CADM2: variants seen among roughly 807,000 people sequenced by gnomAD.
CADM2 encodes immunoglobulin superfamily member 4D.
In CADM2, 12 loss-of-function variants were observed where a neutral mutation model predicts 49.8. The observed-to-expected ratio is 0.24, with a 90% CI of 0.15 to 0.39. The LOEUF is 0.39. Ranked by LOEUF, CADM2 falls within the 10% of genes least tolerant of loss-of-function variation. The pLI is 1.00. For missense variants in CADM2, 378 were observed against 492.3 expected, an observed-to-expected ratio of 0.77 and a Z score of 2.20; for synonymous variants, 214 against 175.4, an observed-to-expected ratio of 1.22 and a Z score of -1.74.
chr3:86,015,347 G>A (rs1488280993), intron 8 of CADM2, among the ~76,000 whole-genome samples: 5 of 152,236 alleles, frequency 3.3e-5, no homozygotes, highest in Middle Eastern at 3.4e-3. Flanking sequence ...TTCCTTCTGC[G>A]TGTACTCTGC....
intron 1 of CADM2, among the ~76,000 whole-genome samples, chr3:85,495,158 C>G (rs1324965481): frequency 1.3e-5 from 2 of 152,054 alleles, no homozygotes; most frequent in Non-Finnish European, 2.9e-5. Context: ...CAACAAATAG[C>G]CTGCAAGTAG....
chr3:85,879,353 T>A (rs538308645), intron 3 of CADM2, among the ~76,000 whole-genome samples: 113 of 152,224 alleles, frequency 7.4e-4, no homozygotes, highest in African/African-American at 2.5e-3. Context: ...CAAGTGTATA[T>A]CTTCCTAAGC....
chr3:86,014,066 C>T (rs1731891329), intron 8 of CADM2: 3 of 1,305,898 alleles, frequency 2.3e-6, no homozygotes, highest in South Asian at 3.1e-5. Flanking sequence ...TTCTTTTTCA[C>T]AACGGTTAAG....
At chr3:85,028,031 G>A (rs1164511182) in intron 1 of CADM2, among the ~76,000 whole-genome samples, 1 of 151,928 alleles carries the variant, frequency 6.6e-6, no homozygotes, top group Admixed American at 6.6e-5. Flanking sequence ...ACTTTGTAAA[G>A]GGGCAGAGAT....
At chr3:85,148,125 G>A (rs1162069157) in intron 1 of CADM2, among the ~76,000 whole-genome samples, 1 of 152,146 alleles carries the variant, frequency 6.6e-6, no homozygotes, top group East Asian at 1.9e-4. Context: ...ATATCACAGC[G>A]TGTAAACAGA....
Position 85,982,695 on chromosome 3 carries a change from G to T in CADM2, c.970+21048G>T, listed in dbSNP as rs541251599. 1.5e-4 allele frequency among the ~76,000 whole-genome samples: 23 copies of T among 151,488 alleles called. No individual in the cohort carries two copies. The South Asian group carries it at 4.8e-3, about 31-fold the overall frequency. On this transcript the variant is annotated intron_variant, in intron 8 of 9. Coordinates refer to ENST00000383699, the MANE Select transcript of CADM2 (RefSeq NM_001167675.2). ...GTATTCTTTCAAATTATGTGACGTTGTTTCTTTGTGAATTGCCTTTTAAAT... is the reference window on the plus strand; with the variant it reads ...GTATTCTTTCAAATTATGTGACGTTTTTTCTTTGTGAATTGCCTTTTAAAT...
intron 1 of CADM2, among the ~76,000 whole-genome samples, chr3:85,494,101 G>A (rs2039787472): frequency 6.6e-6 from 1 of 151,950 alleles, no homozygotes; most frequent in African/African-American, 2.4e-5. Flanking sequence ...TTTTCGGATA[G>A]GGGAAAATTC....
chr3:85,615,736 A>G (rs190043690), intron 1 of CADM2, among the ~76,000 whole-genome samples: 6 of 151,838 alleles, frequency 4.0e-5, no homozygotes, highest in East Asian at 2.0e-4. Flanking sequence ...TGCATTACCA[A>G]TTCACATGAT....
At chr3:85,937,431 C>T (rs966171213) in intron 7 of CADM2, among the ~76,000 whole-genome samples, 6 of 151,926 alleles carry the variant, frequency 3.9e-5, no homozygotes, top group South Asian at 4.1e-4. Context: ...CCCTATTTTA[C>T]GGAAGAGAAA....
chr3:85,969,881 A>G (rs1725900847), intron 8 of CADM2, among the ~76,000 whole-genome samples: 1 of 150,848 alleles, frequency 6.6e-6, no homozygotes, highest in Admixed American at 6.7e-5. Flanking sequence ...ATACATACAC[A>G]TATACACATA....
intron 2 of CADM2, among the ~76,000 whole-genome samples, chr3:85,766,262 G>A (rs1017189790): frequency 2.0e-5 from 3 of 152,032 alleles, no homozygotes; most frequent in African/African-American, 4.8e-5. Context: ...TAGAGTATAT[G>A]TGCTCTAGGT....
At chr3:85,846,647 G>A (rs898846694) in intron 3 of CADM2, among the ~76,000 whole-genome samples, 5 of 152,086 alleles carry the variant, frequency 3.3e-5, no homozygotes, top group African/African-American at 7.2e-5. Context: ...CAGGACAATC[G>A]CATGTAGCCA....
intron 7 of CADM2, among the ~76,000 whole-genome samples, chr3:85,959,422 G>T (rs1724539803): frequency 6.6e-6 from 1 of 151,834 alleles, no homozygotes. Context: ...CAGCTCCCTG[G>T]AGGTTGAAAG....
intron 2 of CADM2, among the ~76,000 whole-genome samples, chr3:85,794,958 AT>A (rs1389140601): frequency 7.2e-5 from 11 of 152,106 alleles, no homozygotes; most frequent in Non-Finnish European, 1.6e-4. Context: ...ATTTTAAAAA[AT>A]ATATTTTAAT....
intron 2 of CADM2, among the ~76,000 whole-genome samples, chr3:85,747,374 GACAA>G (rs1300525988): frequency 2.0e-5 from 3 of 151,994 alleles, no homozygotes; most frequent in Non-Finnish European, 2.9e-5. Flanking sequence ...CATATTATGT[GACAA>G]ACAATTTTCT....
At chr3:85,346,405 C>A (rs1364783907) in intron 1 of CADM2, among the ~76,000 whole-genome samples, 1 of 151,990 alleles carries the variant, frequency 6.6e-6, no homozygotes, top group African/African-American at 2.4e-5. Flanking sequence ...TTGTTTATAT[C>A]CACCTCAGGC....
chr3:85,963,240 A>T (rs75240049), intron 8 of CADM2, among the ~76,000 whole-genome samples: 6,208 of 152,060 alleles, frequency 0.041, 421 homozygotes, highest in African/African-American at 0.14. Flanking sequence ...AAAATAGTAG[A>T]ACTAACAGTT....
intron 5 of CADM2, among the ~76,000 whole-genome samples, chr3:85,888,579 T>G (rs1191762664): frequency 6.6e-6 from 1 of 152,334 alleles, no homozygotes. Flanking sequence ...CATTTATCTC[T>G]ACACTTGCAT....
chr3:85,224,266 T>C lies in CADM2; in HGVS notation c.61+264598T>C, dbSNP rs1367302974. On this transcript the variant is annotated intron_variant, in intron 1 of 9. Transcript: ENST00000383699. Reference sequence around the variant, plus strand: ...TTCTCCACAACCTTTCCAACATCTGTCGTTTCCTGACTTTTAGTGATCACC... The same window carrying C: ...TTCTCCACAACCTTTCCAACATCTGCCGTTTCCTGACTTTTAGTGATCACC... 2.0e-5 allele frequency among the ~76,000 whole-genome samples: 3 copies of C among 152,170 alleles called. No individual in the cohort carries two copies. In the East Asian group the frequency reaches 5.8e-4, roughly 29 times the overall value.
Sources: gnomAD v4.1 joint callset for allele counts (sites outside exome capture counted in the v4.1 genomes callset) on GRCh38, gnomAD v4.1.1 for gene constraint, MANE v1.5 for transcripts, NCBI Gene and HGNC (gene_info 2026-07-23, HGNC 2026-07-21) for gene names.